The following RBFOX1 variants were observed in gnomAD, a reference collection of about 807,000 sequenced individuals.
The protein encoded by RBFOX1 is RNA binding fox-1 homolog 1, also known as RNA binding protein fox-1 homolog 1.
A neutral mutation model predicts 57.7 loss-of-function variants in RBFOX1; 8 were observed. The observed-to-expected ratio is 0.14, with a 90% CI of 0.08 to 0.25. The LOEUF is 0.25. Ranked by LOEUF, RBFOX1 falls within the 10% of genes least tolerant of loss-of-function variation. The pLI is 1.00. For synonymous variants in RBFOX1, 326 were observed against 222.4 expected (o/e 1.47, Z -4.15); for missense variants, 611 against 548.5 (o/e 1.11, Z -1.14).
At chr16:7,334,636 G>GT (rs2096752981) in intron 4 of RBFOX1, among the ~76,000 whole-genome samples, 1 of 152,158 alleles carries the variant, frequency 6.6e-6, no homozygotes, top group African/African-American at 2.4e-5. Context: ...ATGTAATCAG[G>GT]TTTAATGGAC....
chr16:5,827,876 TC>T (rs1567594974), intron 3 of RBFOX1, among the ~76,000 whole-genome samples: 1 of 83,110 alleles, frequency 1.2e-5, no homozygotes, highest in East Asian at 2.5e-4. Flanking sequence ...CTTTTGTCCA[TC>T]CATCCATCCA....
At chr16:5,639,133 T>A (rs778219360) in intron 3 of RBFOX1, among the ~76,000 whole-genome samples, 16 of 152,334 alleles carry the variant, frequency 1.1e-4, no homozygotes, top group African/African-American at 3.6e-4. Flanking sequence ...TTTGCTCTGA[T>A]CCTGCGGTAC....
At chr16:6,461,103 G>C (rs938976963) in intron 2 of RBFOX1, among the ~76,000 whole-genome samples, 40 of 152,102 alleles carry the variant, frequency 2.6e-4, no homozygotes, top group Non-Finnish European at 4.7e-4. Context: ...GAGCCTGTTG[G>C]GAGAGGGTGG....
intron 2 of RBFOX1, among the ~76,000 whole-genome samples, chr16:6,339,210 T>A (rs2152822867): frequency 6.6e-6 from 1 of 152,324 alleles, no homozygotes; most frequent in South Asian, 2.1e-4. Flanking sequence ...ATCCCAGGAT[T>A]TCCACAATTG....
chr16:7,261,942 G>T (rs1437569638), intron 4 of RBFOX1, among the ~76,000 whole-genome samples: 2 of 152,198 alleles, frequency 1.3e-5, no homozygotes, highest in African/African-American at 4.8e-5. Flanking sequence ...CAAGTCACTA[G>T]TTAAGGGGTG....
At chr16:6,261,529 C>T (rs1034586789) in intron 1 of RBFOX1, among the ~76,000 whole-genome samples, 12 of 152,152 alleles carry the variant, frequency 7.9e-5, no homozygotes, top group Non-Finnish European at 1.6e-4. Flanking sequence ...GCTGCTGAGC[C>T]ATTTGCTGGG....
intron 4 of RBFOX1, among the ~76,000 whole-genome samples, chr16:7,318,743 G>C (rs2096490558): frequency 1.3e-5 from 2 of 152,130 alleles, no homozygotes; most frequent in African/African-American, 4.8e-5. Flanking sequence ...TTTATAGCAG[G>C]CTGAAAAGGC....
chr16:6,504,507 T>C lies in RBFOX1; in HGVS notation c.-63-150096T>C, dbSNP rs146817727. On this transcript the variant is annotated intron_variant, in intron 2 of 15. Transcript: ENST00000550418. ...GAGACCTTTGTAATGTGAAACTTAA[T>C]TAAAAGTGCAGAGGACTCAAAGTAA... is the stretch of plus-strand genomic sequence containing the variant. Among the ~76,000 whole-genome samples the C allele has an allele frequency of 3.9e-5, 6 of 152,264 alleles. No individual in the cohort carries two copies. The East Asian group carries it at 1.2e-3, about 29-fold the overall frequency.
rs539772987 is a variant in RBFOX1, at chr16:5,616,691, CCT to C, written c.318+17731_318+17732del. On this transcript the variant is annotated intron_variant, in intron 3 of 19. Coordinates refer to the RBFOX1 transcript ENST00000641259. Reference sequence around the variant, plus strand: ...TCATCCTCCCCTTTATCTTCCGCCCCCTGATTGCTATTGTCCTCCCCACCTCT... The same window carrying C: ...TCATCCTCCCCTTTATCTTCCGCCCCGATTGCTATTGTCCTCCCCACCTCT... 4.5e-4 allele frequency among the ~76,000 whole-genome samples: 65 copies of C among 145,668 alleles called. 1 individual carries two copies. The South Asian group carries it at 5.6e-3, about 13-fold the overall frequency.
chr16:6,659,317 T>C (rs2098686424), intron 3 of RBFOX1, among the ~76,000 whole-genome samples: 1 of 151,872 alleles, frequency 6.6e-6, no homozygotes, highest in South Asian at 2.1e-4. Flanking sequence ...AGATCTGCTA[T>C]AAAATTGCAT....
At chr16:6,359,257 T>TA (rs2087956516) in intron 2 of RBFOX1, among the ~76,000 whole-genome samples, 2 of 152,044 alleles carry the variant, frequency 1.3e-5, no homozygotes, top group South Asian at 4.2e-4. Flanking sequence ...CAGGCCTGGC[T>TA]AATTGTTTGT....
At chr16:5,948,428 C>G (rs892860722) in intron 4 of RBFOX1, among the ~76,000 whole-genome samples, 2 of 152,118 alleles carry the variant, frequency 1.3e-5, no homozygotes, top group African/African-American at 4.8e-5. Context: ...AGCGTCTGCC[C>G]AAAATTCATG....
At chr16:6,657,880 A>G (rs943998296) in intron 3 of RBFOX1, among the ~76,000 whole-genome samples, 3 of 152,070 alleles carry the variant, frequency 2.0e-5, no homozygotes, top group South Asian at 2.1e-4. Context: ...CAGAACCCCT[A>G]TAGGATGTGA....
At chr16:6,505,351 A>C (rs2096061861) in intron 2 of RBFOX1, among the ~76,000 whole-genome samples, 1 of 152,210 alleles carries the variant, frequency 6.6e-6, no homozygotes, top group African/African-American at 2.4e-5. Flanking sequence ...CTAAAAATGC[A>C]CACATTTATG....
intron 2 of RBFOX1, among the ~76,000 whole-genome samples, chr16:6,396,517 G>T (rs1292844002): frequency 2.0e-5 from 3 of 152,180 alleles, no homozygotes; most frequent in Non-Finnish European, 4.4e-5. Context: ...TTATATAAAA[G>T]AGGCTCTAGG....
chr16:6,692,793 C>A (rs985393749), intron 3 of RBFOX1, among the ~76,000 whole-genome samples: 2 of 152,080 alleles, frequency 1.3e-5, no homozygotes, highest in African/African-American at 4.8e-5. Flanking sequence ...TGATCATTGT[C>A]ACTATCAGTA....
chr16:6,638,492 A>C (rs1340888435), intron 2 of RBFOX1, among the ~76,000 whole-genome samples: 1 of 152,188 alleles, frequency 6.6e-6, no homozygotes, highest in Admixed American at 6.6e-5. Flanking sequence ...ATTATAATAA[A>C]ATATGCTTCT....
At chr16:5,335,163 C>T (rs552752500) in intron 1 of RBFOX1, among the ~76,000 whole-genome samples, 14 of 151,794 alleles carry the variant, frequency 9.2e-5, no homozygotes, top group South Asian at 4.2e-4. Context: ...GTTTTTCTTC[C>T]GAATTGCCAG....
At chr16:6,822,852 C>A (rs1248800683) in intron 3 of RBFOX1, among the ~76,000 whole-genome samples, 1 of 152,124 alleles carries the variant, frequency 6.6e-6, no homozygotes, top group Non-Finnish European at 1.5e-5. Flanking sequence ...TCTCTTTGTG[C>A]CTTAAAATGC....
Sources: allele counts gnomAD v4.1 joint callset (sites outside exome capture counted in the v4.1 genomes callset), GRCh38; gene constraint gnomAD v4.1.1; transcripts MANE v1.5; gene names NCBI Gene and HGNC (gene_info 2026-07-23, HGNC 2026-07-21).